ANKMY1: variants seen among roughly 807,000 people sequenced by gnomAD.
ANKMY1 encodes the protein ankyrin repeat and MYND domain-containing protein 1.
Under a neutral mutation model 102.0 loss-of-function variants are expected in ANKMY1, and 98 were observed. The observed-to-expected ratio is 0.96, with a 90% CI of 0.82 to 1.14. The LOEUF (loss-of-function observed/expected upper bound fraction) is 1.14, where lower values mean the gene tolerates loss of function less well. Ranked by LOEUF, ANKMY1 falls within the 50% of genes most tolerant of loss-of-function variation. ANKMY1 has a pLI of 0.00. For missense variants in ANKMY1, 1,330 were observed against 1,347.6 expected (o/e 0.99, Z 0.20); for synonymous variants, 582 against 559.9 (o/e 1.04, Z -0.56).
intron 4 of ANKMY1, among the ~76,000 whole-genome samples, chr2:240,545,103 G>A (rs1191575961): frequency 6.8e-6 from 1 of 146,308 alleles, no homozygotes; most frequent in Admixed American, 6.9e-5. Flanking sequence ...AGACTTAAAT[G>A]TCCCTGTCTG....
Position 240,512,896 on chromosome 2 carries a change from T to A in ANKMY1, c.2051A>T (p.Glu684Val). The change falls in exon 10 of 18, where the codon GAG (glutamate) becomes GTG (valine). Residue 684 changes from glutamate (E) to valine (V), a missense_variant. Glu to Val is a moderately radical substitution (Grantham distance 121). Coordinates refer to ENST00000401804, the MANE Select transcript of ANKMY1 (RefSeq NM_001282771.3). ...CAGCTCCACAATCTGTACCCCCTCCTCCCCAGGAAGGGCGGCAGCGATGTG... is the reference window on the plus strand; with the variant it reads ...CAGCTCCACAATCTGTACCCCCTCCACCCCAGGAAGGGCGGCAGCGATGTG... ...PLHIAAALPG[E>V]EGVQIVELLL... 6.2e-7 allele frequency: 1 copy of A among 1,613,768 alleles called. No homozygotes were observed. Among genetic ancestry groups the A allele is most frequent in the Non-Finnish European group, 8.5e-7 (1 of 1,179,908 alleles).
At chr2:240,503,990 AG>A (rs1262049973) in intron 13 of ANKMY1, among the ~76,000 whole-genome samples, 2 of 152,242 alleles carry the variant, frequency 1.3e-5, no homozygotes, top group Non-Finnish European at 2.9e-5. Flanking sequence ...GGTCTGCACC[AG>A]GGTCACAACC....
intron 15 of ANKMY1, among the ~76,000 whole-genome samples, chr2:240,483,892 G>T (rs2075737756): frequency 6.6e-6 from 1 of 151,828 alleles, no homozygotes; most frequent in African/African-American, 2.4e-5. Context: ...GTGTCCATAT[G>T]TCCTCATTGT....
At chr2:240,551,260 G>A (rs944914010) in intron 4 of ANKMY1, among the ~76,000 whole-genome samples, 5 of 151,486 alleles carry the variant, frequency 3.3e-5, no homozygotes, top group African/African-American at 4.9e-5. Flanking sequence ...TAAGTGTACT[G>A]AGTAGAGTAT....
intron 13 of ANKMY1, 52 bp downstream of exon 13, chr2:240,507,508 C>G (rs2152120856): frequency 6.4e-7 from 1 of 1,555,776 alleles, no homozygotes; most frequent in South Asian, 1.2e-5. Context: ...CAGGGCCACC[C>G]CACCACCCTC....
At chr2:240,481,609 G>T (rs2075399610) in intron 16 of ANKMY1, among the ~76,000 whole-genome samples, 1 of 152,172 alleles carries the variant, frequency 6.6e-6, no homozygotes, top group African/African-American at 2.4e-5. Context: ...GTTGCTCAGG[G>T]TTTATGAGGT....
chr2:240,540,115 T>G (rs2088277788), intron 4 of ANKMY1, among the ~76,000 whole-genome samples: 2 of 152,256 alleles, frequency 1.3e-5, no homozygotes, highest in South Asian at 2.1e-4. Context: ...TGACTCCAAG[T>G]GTTAGAGCCT....
At chr2:240,472,178 G>T in the ANKMY1 span, among the ~76,000 whole-genome samples, 1 of 140,042 alleles carries the variant, frequency 7.1e-6, no homozygotes, top group African/African-American at 2.9e-5. Flanking sequence ...CCCACCCAGG[G>T]ATACTGAGAC....
chr2:240,511,853 G>T lies in ANKMY1; in HGVS notation c.2286+8C>A. ...CCTGTGCCCCCGCCAGGCCCTGGCT[G>T]CCCTCACCTTGTTGTCATCCTCCCG... On this transcript the variant is annotated splice_region_variant and intron_variant, in intron 11 of 17. Coordinates refer to ENST00000401804, the MANE Select transcript of ANKMY1 (RefSeq NM_001282771.3). 1 of 1,579,854 alleles carries T rather than the reference G, an allele frequency of 6.3e-7. No individual in the cohort carries two copies. Among genetic ancestry groups the T allele is most frequent in the Non-Finnish European group, 8.5e-7 (1 of 1,171,724 alleles).
chr2:240,469,019 C>T, the ANKMY1 span, among the ~76,000 whole-genome samples: 3 of 152,208 alleles, frequency 2.0e-5, no homozygotes, highest in African/African-American at 4.8e-5. Flanking sequence ...GAGTCCTCTC[C>T]GTGGCGGGCC....
At chr2:240,528,098 C>T (rs2084299757) in intron 5 of ANKMY1, among the ~76,000 whole-genome samples, 1 of 152,048 alleles carries the variant, frequency 6.6e-6, no homozygotes, top group South Asian at 2.1e-4. Flanking sequence ...ACCAGCCTGG[C>T]CAATATGGTG....
At position 240,524,346 on chromosome 2, in the gene ANKMY1, T is replaced by C. The variant is rs1559322567; in HGVS notation, c.1371A>G (p.Ser457=). ...CCAGGTTTGTGTCCATAAATGATGATGAAAGGATTGGAACAACTGGGAATT... is the reference window on the plus strand; with the variant it reads ...CCAGGTTTGTGTCCATAAATGATGACGAAAGGATTGGAACAACTGGGAATT... ...PPKFPVVPIL[S]SSFMDTNLES... is the part of the protein sequence containing the mutation. The change falls in exon 8 of 18, where the codon TCA becomes TCG. Residue 457 remains serine (S), a synonymous_variant. Transcript: ENST00000401804. The C allele has an allele frequency of 6.2e-7, 1 of 1,606,416 alleles. No homozygotes were observed. Among genetic ancestry groups the C allele is most frequent in the African/African-American group, 1.3e-5 (1 of 74,824 alleles).
chr2:240,552,231 A>G (rs1400845282), intron 4 of ANKMY1, among the ~76,000 whole-genome samples: 1 of 152,230 alleles, frequency 6.6e-6, no homozygotes, highest in Non-Finnish European at 1.5e-5. Flanking sequence ...GGAAGCGGAA[A>G]GATCTAGAGC....
chr2:240,527,884 A>C (rs2084239674), intron 5 of ANKMY1: 1 of 152,296 alleles, frequency 6.6e-6, no homozygotes, highest in Admixed American at 6.5e-5. Flanking sequence ...GATGAATGAA[A>C]AAGCAGCCAC....
chr2:240,541,690 G>C (rs1229527641), intron 4 of ANKMY1, among the ~76,000 whole-genome samples: 1 of 151,884 alleles, frequency 6.6e-6, no homozygotes, highest in Admixed American at 6.6e-5. Flanking sequence ...TTTTAGTAGA[G>C]ACGGGGTTTC....
chr2:240,559,492 C>G (rs759653965), upstream of ANKMY1, among the ~76,000 whole-genome samples: 23 of 152,190 alleles, frequency 1.5e-4, no homozygotes, highest in Non-Finnish European at 2.9e-4. Flanking sequence ...CCAGAGCAGT[C>G]ACGGGAGTGT....
chr2:240,521,176 C>A (rs1196116882), intron 8 of ANKMY1, among the ~76,000 whole-genome samples: 8 of 152,130 alleles, frequency 5.3e-5, no homozygotes, highest in African/African-American at 1.9e-4. Context: ...GCGGGAATGA[C>A]CATGAGGGCA....
intron 4 of ANKMY1, among the ~76,000 whole-genome samples, chr2:240,537,341 G>A (rs2087061296): frequency 6.6e-6 from 1 of 152,206 alleles, no homozygotes; most frequent in Non-Finnish European, 1.5e-5. Flanking sequence ...TAGGATTTCC[G>A]ATACAAAAAA....
At chr2:240,554,754 C>T in intron 3 of ANKMY1, 112 bp downstream of exon 3, 1 of 1,264,100 alleles carries the variant, frequency 7.9e-7, no homozygotes, top group Non-Finnish European at 1.1e-6. Flanking sequence ...TTTAGCCTAG[C>T]ACCCTTCCTG....
Sources: allele counts gnomAD v4.1 joint callset (sites outside exome capture counted in the v4.1 genomes callset), GRCh38; gene constraint gnomAD v4.1.1; transcripts MANE v1.5; gene names NCBI Gene and HGNC (gene_info 2026-07-23, HGNC 2026-07-21).